Variants in SLC35F1 observed in about 807,000 individuals in gnomAD.
SLC35F1 encodes solute carrier family 35 member F1.
In SLC35F1, 14 loss-of-function variants were observed where a neutral mutation model predicts 48.7. That is an observed-to-expected ratio of 0.29 (90% CI 0.19 to 0.45). The LOEUF (loss-of-function observed/expected upper bound fraction) is 0.45, where lower values mean the gene tolerates loss of function less well. Among genes scored for constraint, SLC35F1 ranks in the 20% least tolerant of loss-of-function variants. The probability of loss-of-function intolerance (pLI) is 1.00; values close to 1 mark genes in which losing one functional copy is unlikely to be tolerated. For missense variants in SLC35F1, 404 were observed against 500.0 expected, an observed-to-expected ratio of 0.81 and a Z score of 1.83; for synonymous variants, 190 against 202.2, an observed-to-expected ratio of 0.94 and a Z score of 0.51.
intron 2 of SLC35F1, among the ~76,000 whole-genome samples, chr6:118,182,671 C>A (rs1285482934): frequency 6.6e-6 from 1 of 151,984 alleles, no homozygotes; most frequent in Non-Finnish European, 1.5e-5. Context: ...GAGTTCAAGA[C>A]CAGCCTGGCC....
chr6:117,997,256 A>C (rs1777008107), intron 1 of SLC35F1, among the ~76,000 whole-genome samples: 2 of 152,226 alleles, frequency 1.3e-5, no homozygotes, highest in South Asian at 4.1e-4. Flanking sequence ...CAAAGCCTCC[A>C]AGAAATATGG....
intron 1 of SLC35F1, among the ~76,000 whole-genome samples, chr6:117,926,803 AT>A (rs1227719368): frequency 6.6e-6 from 1 of 152,174 alleles, no homozygotes; most frequent in African/African-American, 2.4e-5. Context: ...GAAAAGTAAC[AT>A]GACTGATGTG....
intron 1 of SLC35F1, among the ~76,000 whole-genome samples, chr6:118,056,639 C>CT (rs2114264413): frequency 6.6e-6 from 1 of 152,310 alleles, no homozygotes; most frequent in South Asian, 2.1e-4. Context: ...ACAGCCAACT[C>CT]TATCATAATA....
chr6:117,912,817 G>A (rs1214002706), intron 1 of SLC35F1, among the ~76,000 whole-genome samples: 1 of 152,074 alleles, frequency 6.6e-6, no homozygotes, highest in Non-Finnish European at 1.5e-5. Context: ...AGGGATATTT[G>A]GATTACCTCA....
intron 7 of SLC35F1, among the ~76,000 whole-genome samples, chr6:118,303,231 T>C (rs1776274792): frequency 1.3e-5 from 2 of 152,180 alleles, no homozygotes; most frequent in South Asian, 4.1e-4. Flanking sequence ...TTCATTGCTA[T>C]AAATTGAAAA....
chr6:118,144,446 G>A (rs971084449), intron 1 of SLC35F1, among the ~76,000 whole-genome samples: 3 of 151,954 alleles, frequency 2.0e-5, no homozygotes, highest in African/African-American at 4.8e-5. Context: ...GGGGGTCGGG[G>A]GGAGGGAGAG....
intron 1 of SLC35F1, among the ~76,000 whole-genome samples, chr6:118,020,780 T>G (rs1777384004): frequency 1.3e-5 from 2 of 152,140 alleles, no homozygotes; most frequent in Non-Finnish European, 2.9e-5. Flanking sequence ...TTGAGTAGGT[T>G]CCCCAAGGAT....
chr6:118,111,806 C>A (rs945084009), intron 1 of SLC35F1, among the ~76,000 whole-genome samples: 2 of 152,048 alleles, frequency 1.3e-5, no homozygotes, highest in African/African-American at 4.8e-5. Context: ...TATTATATAG[C>A]ATGGGAGGGA....
chr6:118,256,224 G>A (rs1304665901), intron 3 of SLC35F1, among the ~76,000 whole-genome samples: 2 of 59,068 alleles, frequency 3.4e-5, no homozygotes, highest in Admixed American at 1.3e-4. Flanking sequence ...GTGTGTGTGT[G>A]TGTGTGTGTG....
chr6:118,267,280 G>A, intron 4 of SLC35F1, 126 bp downstream of exon 4: 4 of 1,059,560 alleles, frequency 3.8e-6, no homozygotes, highest in Non-Finnish European at 5.6e-6. Flanking sequence ...TCTGTGTCCT[G>A]TTCATGTCTG....
intron 1 of SLC35F1, among the ~76,000 whole-genome samples, chr6:118,050,360 T>A (rs1335534244): frequency 2.2e-5 from 3 of 139,064 alleles, no homozygotes; most frequent in East Asian, 2.1e-4. Context: ...AAACTTAAAG[T>A]ATAATAATAA....
intron 3 of SLC35F1, among the ~76,000 whole-genome samples, chr6:118,240,758 G>A (rs536359520): frequency 6.6e-5 from 10 of 152,318 alleles, no homozygotes; most frequent in African/African-American, 2.4e-4. Context: ...AAGGGAAAGA[G>A]ATTCAGGCTA....
At position 118,292,315 on chromosome 6, in the gene SLC35F1, C is replaced by T. The variant is rs1233373170; in HGVS notation, c.1002+6977C>T. ...AACTGGGACCAAAGGGTGAAGTTTA[C>T]GAGCTTATTGCTAAATATAAAGACA... On this transcript the variant is annotated intron_variant, in intron 7 of 7. Transcript: ENST00000360388. Among the ~76,000 whole-genome samples the T allele has an allele frequency of 2.6e-5, 4 of 152,148 alleles. No homozygotes were observed. The East Asian group carries it at 5.8e-4, about 22-fold the overall frequency.
intron 1 of SLC35F1, among the ~76,000 whole-genome samples, chr6:118,064,028 G>T (rs1315631212): frequency 6.6e-6 from 1 of 152,162 alleles, no homozygotes; most frequent in Non-Finnish European, 1.5e-5. Context: ...AAAAGAAAGA[G>T]GTTTAATGGA....
chr6:118,243,025 C>T (rs887101171), intron 3 of SLC35F1, among the ~76,000 whole-genome samples: 2 of 152,156 alleles, frequency 1.3e-5, no homozygotes, highest in Non-Finnish European at 2.9e-5. Flanking sequence ...ACTCCTCTGA[C>T]GTGGGCATGT....
At chr6:118,184,747 T>C (rs1200911291) in intron 2 of SLC35F1, among the ~76,000 whole-genome samples, 1 of 152,158 alleles carries the variant, frequency 6.6e-6, no homozygotes, top group Non-Finnish European at 1.5e-5. Context: ...CATCCAGATA[T>C]GTAGGAATAA....
intron 1 of SLC35F1, among the ~76,000 whole-genome samples, chr6:118,112,082 C>CTTTCTTTTCT (rs202065600): frequency 0.019 from 2,438 of 131,548 alleles, 48 homozygotes; most frequent in African/African-American, 0.045. Flanking sequence ...TTCTTTATTT[C>CTTTCTTTTCT]TTTCTTTTCT....
chr6:117,921,812 A>G (rs1472960689), intron 1 of SLC35F1, among the ~76,000 whole-genome samples: 4 of 152,194 alleles, frequency 2.6e-5, no homozygotes, highest in Non-Finnish European at 5.9e-5. Flanking sequence ...CATTTAATGC[A>G]TTTATAGCAG....
At chr6:118,305,803 A>C (rs1166260067) in intron 7 of SLC35F1, among the ~76,000 whole-genome samples, 2 of 152,208 alleles carry the variant, frequency 1.3e-5, no homozygotes, top group Non-Finnish European at 2.9e-5. Flanking sequence ...ATTTATGACA[A>C]TTACGGTCCT....
Sources: allele counts gnomAD v4.1 joint callset (sites outside exome capture counted in the v4.1 genomes callset), GRCh38; gene constraint gnomAD v4.1.1; transcripts MANE v1.5; gene names NCBI Gene and HGNC (gene_info 2026-07-23, HGNC 2026-07-21).